The following ZNF385B variants were observed in gnomAD, a reference collection of about 807,000 sequenced individuals.
ZNF385B encodes the protein zinc finger protein 385B, also known as zinc finger protein 533.
In ZNF385B, 23 loss-of-function variants were observed where a neutral mutation model predicts 39.2. The ratio of observed to expected loss-of-function variants is 0.59; its 90% CI spans 0.42 to 0.83. The LOEUF (loss-of-function observed/expected upper bound fraction) is 0.83. Among genes scored for constraint, ZNF385B ranks in the 40% least tolerant of loss-of-function variants. The pLI, the probability that ZNF385B is intolerant of heterozygous loss-of-function variation, is 0.00. For synonymous variants in ZNF385B, 205 were observed against 222.6 expected (o/e 0.92, Z 0.70); for missense variants, 552 against 598.9 (o/e 0.92, Z 0.82).
At position 179,766,030 on chromosome 2, in the gene ZNF385B, T is replaced by TCACACACACACACACACA. The variant is rs71029829; in HGVS notation, c.298+3455_298+3472dup. Among the ~76,000 whole-genome samples, 655 of 140,892 alleles carry TCACACACACACACACACA rather than the reference T, an allele frequency of 4.6e-3. 7 individuals are homozygous for TCACACACACACACACACA. The highest frequency in any genetic ancestry group is 5.0e-3 in the Non-Finnish European group (329 of 65,472). The allele number at this position is 140,892 out of a possible 152,430, so 92.4% of individuals were successfully genotyped here. ...TCCCTTGCTCACTTTGGTACATTGATCACACACACACACACACACACACAC... is the reference window on the plus strand; with the variant it reads ...TCCCTTGCTCACTTTGGTACATTGATCACACACACACACACACACACACACACACACACACACACACAC... On this transcript the variant is annotated intron_variant, in intron 3 of 9. Transcript: ENST00000410066.
intron 3 of ZNF385B, among the ~76,000 whole-genome samples, chr2:179,601,182 A>C (rs1251393945): frequency 1.3e-5 from 2 of 152,184 alleles, no homozygotes; most frequent in Non-Finnish European, 2.9e-5. Flanking sequence ...TATATTTCTA[A>C]AGCAACATCT....
intron 4 of ZNF385B, among the ~76,000 whole-genome samples, chr2:179,543,556 G>A (rs779332489): frequency 4.6e-5 from 7 of 152,160 alleles, no homozygotes; most frequent in South Asian, 2.1e-4. Context: ...TTGAAATGGC[G>A]TAATGTGGTG....
In ZNF385B at chr2:179,544,836, A is replaced by C. The variant is rs1427661917; in HGVS notation, c.432T>G (p.Asn144Lys). 9.9e-6 allele frequency: 16 copies of C among 1,613,974 alleles called. No individual in the cohort carries two copies. The highest frequency in any genetic ancestry group is 1.3e-5 in the Non-Finnish European group (15 of 1,179,954). The change falls in exon 4 of 10, where the codon AAT (asparagine) becomes AAG (lysine). Residue 144 changes from asparagine (N) to lysine (K), a missense_variant. Coordinates refer to ENST00000410066, the MANE Select transcript of ZNF385B (RefSeq NM_152520.6). The part of the protein sequence containing the change: ...DSSSAVGLFP[N>K]FNTMDPVQKA... ...AAATGAATTTACTCACTGTGTTAAA[A>C]TTTGGAAAGAGCCCAACAGCAGAAC... is the stretch of plus-strand genomic sequence containing the variant.
intron 1 of ZNF385B, among the ~76,000 whole-genome samples, chr2:179,806,327 A>G (rs1315978655): frequency 2.0e-5 from 3 of 152,154 alleles, no homozygotes; most frequent in African/African-American, 7.2e-5. Context: ...ATGCCCCTCA[A>G]TTTTAAATAA....
chr2:179,834,194 G>C (rs531099898), intron 1 of ZNF385B, among the ~76,000 whole-genome samples: 4 of 152,066 alleles, frequency 2.6e-5, no homozygotes, highest in African/African-American at 9.7e-5. Flanking sequence ...CCCCATCCTG[G>C]AAGCAATAAC....
rs1211651244 is a variant in ZNF385B at position 179,445,562 on chromosome 2, A to G, written c.1128T>C (p.Ile376=). Residue 376 remains isoleucine, a synonymous_variant, in exon 8 of 10, where the codon ATT becomes ATC. Coordinates refer to ENST00000410066, the MANE Select transcript of ZNF385B (RefSeq NM_152520.6). The part of the protein sequence containing the change: ...EICDVHVNSE[I]QLKQHISSRR... ...CAGGATACGTTACCTGTTTGAGTTG[A>G]ATTTCTGAATTAACATGAACATCAC... 6.2e-7 allele frequency: 1 copy of G among 1,611,366 alleles called. No homozygotes were observed. The highest frequency in any genetic ancestry group is 8.5e-7 in the Non-Finnish European group (1 of 1,179,088).
intron 3 of ZNF385B, among the ~76,000 whole-genome samples, chr2:179,579,071 G>A (rs139160558): frequency 0.01 from 1,527 of 152,146 alleles, 13 homozygotes; most frequent in Admixed American, 0.021. Context: ...AACACTAGGA[G>A]AGCACCTTCC....
chr2:179,621,467 C>T (rs116063050), intron 3 of ZNF385B, among the ~76,000 whole-genome samples: 2 of 152,150 alleles, frequency 1.3e-5, no homozygotes. Context: ...GAAGAGGGAG[C>T]CGTGATTTGT....
At chr2:179,615,824 C>G (rs1025955909) in intron 3 of ZNF385B, among the ~76,000 whole-genome samples, 2 of 152,086 alleles carry the variant, frequency 1.3e-5, no homozygotes, top group Non-Finnish European at 2.9e-5. Flanking sequence ...TCTGAGGCAC[C>G]AAGTATAAAA....
chr2:179,830,793 A>C (rs1425760256), intron 1 of ZNF385B, among the ~76,000 whole-genome samples: 1 of 152,212 alleles, frequency 6.6e-6, no homozygotes, highest in Non-Finnish European at 1.5e-5. Context: ...ACACATGACA[A>C]TATGTATCTC....
chr2:179,799,243 T>A (rs1051805542), intron 1 of ZNF385B, among the ~76,000 whole-genome samples: 5 of 152,068 alleles, frequency 3.3e-5, no homozygotes, highest in African/African-American at 1.2e-4. Flanking sequence ...TCCTGCTTCA[T>A]GGTGAAATAT....
intron 3 of ZNF385B, among the ~76,000 whole-genome samples, chr2:179,606,311 C>T (rs2222031): frequency 0.16 from 23,645 of 151,964 alleles, 2,195 homozygotes; most frequent in East Asian, 0.23. Context: ...CATCACGTGC[C>T]GACATTTCTA....
At chr2:179,817,347 A>G (rs371676950) in intron 1 of ZNF385B, among the ~76,000 whole-genome samples, 197 of 152,328 alleles carry the variant, frequency 1.3e-3, no homozygotes, top group African/African-American at 4.5e-3. Flanking sequence ...TAGACTCACC[A>G]GGTATATATT....
chr2:179,788,316 A>G (rs1487423502), intron 1 of ZNF385B, among the ~76,000 whole-genome samples: 1 of 152,180 alleles, frequency 6.6e-6, no homozygotes, highest in Non-Finnish European at 1.5e-5. Context: ...GCAGGTTCTT[A>G]TCTTCCCCTT....
intron 3 of ZNF385B, among the ~76,000 whole-genome samples, chr2:179,689,916 C>T (rs1698227494): frequency 6.6e-6 from 1 of 151,830 alleles, no homozygotes; most frequent in Admixed American, 6.6e-5. Flanking sequence ...CAGCTCCTTA[C>T]CTGTTGGTTT....
intron 3 of ZNF385B, among the ~76,000 whole-genome samples, chr2:179,731,148 A>T (rs191452977): frequency 2.3e-3 from 349 of 152,364 alleles, no homozygotes; most frequent in Non-Finnish European, 2.9e-3. Flanking sequence ...TTGTAAAAAG[A>T]GGTAGCCAAG....
chr2:179,860,227 T>C (rs993855181), intron 1 of ZNF385B, among the ~76,000 whole-genome samples: 2 of 152,132 alleles, frequency 1.3e-5, no homozygotes, highest in African/African-American at 2.4e-5. Context: ...ACCCAAGAAC[T>C]TTTGAGAGCA....
intron 1 of ZNF385B, among the ~76,000 whole-genome samples, chr2:179,844,204 G>A (rs1235012320): frequency 6.6e-6 from 1 of 152,180 alleles, no homozygotes; most frequent in African/African-American, 2.4e-5. Context: ...CTTGTTGTAT[G>A]AACTTTGGGT....
At chr2:179,470,006 T>C (rs1281495071) in intron 6 of ZNF385B, among the ~76,000 whole-genome samples, 5 of 152,296 alleles carry the variant, frequency 3.3e-5, no homozygotes, top group Admixed American at 3.3e-4. Context: ...CCTTTGCAAC[T>C]GACAAGCGGC....
Sources: gnomAD v4.1 joint callset for allele counts (sites outside exome capture counted in the v4.1 genomes callset) on GRCh38, gnomAD v4.1.1 for gene constraint, MANE v1.5 for transcripts, NCBI Gene and HGNC (gene_info 2026-07-23, HGNC 2026-07-21) for gene names.